PTPRN2: variants seen among roughly 807,000 people sequenced by gnomAD.
PTPRN2 encodes receptor-type tyrosine-protein phosphatase N2.
In PTPRN2, 74 loss-of-function variants were observed where a neutral mutation model predicts 118.8. The ratio of observed to expected loss-of-function variants is 0.62; its 90% CI spans 0.52 to 0.76. The LOEUF is 0.76. PTPRN2 is among the 30% of genes least tolerant of loss of function. PTPRN2 has a pLI of 0.00. For synonymous variants in PTPRN2, 641 were observed against 608.0 expected (o/e 1.05, Z -0.80); for missense variants, 1,481 against 1,394.4 (o/e 1.06, Z -0.99).
chr7:157,723,212 C>T (rs891370642), intron 12 of PTPRN2, among the ~76,000 whole-genome samples: 5 of 152,216 alleles, frequency 3.3e-5, no homozygotes, highest in South Asian at 2.1e-4. Flanking sequence ...GGGGCCCTGA[C>T]GGACTGTCCC....
rs369045341 is a variant in PTPRN2, at chr7:158,351,763, C to G, written c.164-34831G>C. Among the ~76,000 whole-genome samples, 30 of 152,228 alleles carry G rather than the reference C, an allele frequency of 2.0e-4. 1 individual carries two copies. In the South Asian group the frequency reaches 6.2e-3, roughly 32 times the overall value. On this transcript the variant is annotated intron_variant, in intron 2 of 22. Coordinates refer to ENST00000389418, the MANE Select transcript of PTPRN2 (RefSeq NM_002847.5). Reference sequence around the variant, plus strand: ...CTGAGTGACAGATATCATTTTCATTCAGGGGGGCTTGAACTCTGGCCATCA... The same window carrying G: ...CTGAGTGACAGATATCATTTTCATTGAGGGGGGCTTGAACTCTGGCCATCA...
chr7:157,691,032 G>C (rs1797460690), intron 12 of PTPRN2, among the ~76,000 whole-genome samples: 1 of 147,356 alleles, frequency 6.8e-6, no homozygotes, highest in South Asian at 2.1e-4. Context: ...GCGGCGGCGC[G>C]GCTCGCGGCC....
chr7:157,623,558 C>A (rs1263561), intron 14 of PTPRN2, among the ~76,000 whole-genome samples: 1 of 151,978 alleles, frequency 6.6e-6, no homozygotes, highest in Non-Finnish European at 1.5e-5. Context: ...TATCTTAATT[C>A]GTATAAACTA....
intron 3 of PTPRN2, among the ~76,000 whole-genome samples, chr7:158,302,142 G>T (rs914289186): frequency 5.3e-5 from 8 of 152,208 alleles, no homozygotes; most frequent in African/African-American, 1.9e-4. Context: ...CCTGAGAAAT[G>T]ATGACATTCA....
intron 12 of PTPRN2, among the ~76,000 whole-genome samples, chr7:157,790,102 G>C (rs1281216435): frequency 7.3e-6 from 1 of 137,910 alleles, no homozygotes; most frequent in Non-Finnish European, 1.6e-5. Flanking sequence ...GTGGTGACAT[G>C]TGTGTATGGT....
Position 157,595,671 on chromosome 7 carries a change from A to AGGAGGTTAGGAAGCCTG in PTPRN2, c.2419-357_2419-356insCAGGCTTCCTAACCTCC, listed in dbSNP as rs1563245807. On this transcript the variant is annotated intron_variant, in intron 16 of 22. Transcript: ENST00000389418. ...AGGAAGCCCGGAAGTTAGGGAGCCC[A>AGGAGGTTAGGAAGCCTG]GAGGTTAGGGAGCCTGGAGGTTAGG... is the stretch of plus-strand genomic sequence containing the variant. Among the ~76,000 whole-genome samples, 6 of 134,728 alleles carry AGGAGGTTAGGAAGCCTG rather than the reference A, an allele frequency of 4.5e-5. No individual in the cohort carries two copies. In the East Asian group the frequency reaches 9.4e-4, roughly 21 times the overall value. The allele number at this position is 134,728 out of a possible 152,430, so 88.4% of individuals were successfully genotyped here.
At chr7:157,898,859 A>G in intron 11 of PTPRN2, 122 bp from the exon 12 acceptor site, 1 of 846,954 alleles carries the variant, frequency 1.2e-6, no homozygotes, top group Non-Finnish European at 2.0e-6. Context: ...CGCCTACCTT[A>G]ATGGAAGGGT....
chr7:158,048,527 C>T (rs1053397053), intron 11 of PTPRN2, among the ~76,000 whole-genome samples: 3 of 151,978 alleles, frequency 2.0e-5, no homozygotes, highest in Non-Finnish European at 4.4e-5. Context: ...CAATAAGCAT[C>T]ATAATCATAT....
chr7:158,362,097 T>C (rs6966834), intron 2 of PTPRN2, among the ~76,000 whole-genome samples: 146,766 of 152,310 alleles, frequency 0.96, 70,768 homozygotes, highest in African/African-American at 0.99. Flanking sequence ...TCTTTTCCAT[T>C]AACAAACAGC....
chr7:158,157,195 T>G (rs1821904499), intron 6 of PTPRN2, among the ~76,000 whole-genome samples: 1 of 152,258 alleles, frequency 6.6e-6, no homozygotes, highest in African/African-American at 2.4e-5. Flanking sequence ...CATGTGGCTC[T>G]GGAAGGCCTC....
chr7:158,020,958 C>T (rs183983065), intron 11 of PTPRN2, among the ~76,000 whole-genome samples: 6 of 152,248 alleles, frequency 3.9e-5, no homozygotes, highest in Admixed American at 1.3e-4. Context: ...AGACGGACAT[C>T]GGGTCAGACG....
At chr7:158,052,619 T>A (rs1037737711) in intron 11 of PTPRN2, among the ~76,000 whole-genome samples, 5 of 151,336 alleles carry the variant, frequency 3.3e-5, no homozygotes, top group Non-Finnish European at 1.5e-5. Context: ...GGCCACTAAT[T>A]TGCCTCGTGG....
intron 11 of PTPRN2, among the ~76,000 whole-genome samples, chr7:157,967,249 G>T (rs1008764390): frequency 6.6e-6 from 1 of 152,240 alleles, no homozygotes; most frequent in African/African-American, 2.4e-5. Context: ...GGTCGAGGCT[G>T]CAGTGCACTG....
chr7:158,572,566 G>A (rs565651243), intron 1 of PTPRN2, among the ~76,000 whole-genome samples: 7 of 152,286 alleles, frequency 4.6e-5, no homozygotes, highest in African/African-American at 7.2e-5. Context: ...ACAGCTCTCC[G>A]AGGCTCCTGA....
At chr7:158,496,067 C>T (rs1041471250) in intron 1 of PTPRN2, among the ~76,000 whole-genome samples, 1 of 151,870 alleles carries the variant, frequency 6.6e-6, no homozygotes, top group Admixed American at 6.6e-5. Flanking sequence ...GCGCTCAGCC[C>T]CTCTGCTGAG....
At chr7:158,124,017 C>G (rs891637918) in intron 9 of PTPRN2, among the ~76,000 whole-genome samples, 1 of 151,730 alleles carries the variant, frequency 6.6e-6, no homozygotes, top group African/African-American at 2.4e-5. Context: ...AGCTGGTTCT[C>G]TAATCTGATT....
At chr7:157,894,290 T>C (rs1244254388) in intron 12 of PTPRN2, among the ~76,000 whole-genome samples, 1 of 152,210 alleles carries the variant, frequency 6.6e-6, no homozygotes, top group Non-Finnish European at 1.5e-5. Context: ...GAGCTGCTGC[T>C]GAAGTGGCTC....
chr7:157,639,904 G>A (rs1049523985), intron 14 of PTPRN2, among the ~76,000 whole-genome samples: 1 of 152,212 alleles, frequency 6.6e-6, no homozygotes, highest in Non-Finnish European at 1.5e-5. Context: ...AAACACATGA[G>A]TGATCTGGGT....
rs1563067413 is a variant in PTPRN2 at position 158,270,795 on chromosome 7, GGA to G, written c.277+46022_277+46023del. ...GTCCACCTGGACCACCCCTCCACCT[GGA>G]CCACCCCCTCACCTGGACCGCCCCC... is the stretch of plus-strand genomic sequence containing the variant. On this transcript the variant is annotated intron_variant, in intron 3 of 22. Transcript: ENST00000389418. Among the ~76,000 whole-genome samples, 65 of 71,472 alleles carry G rather than the reference GGA, an allele frequency of 9.1e-4. 6 individuals carry two copies. The highest frequency in any genetic ancestry group is 2.4e-3 in the African/African-American group (30 of 12,532). 46.9% of individuals were successfully genotyped at this position (71,472 alleles called of 152,430 possible). A position where few individuals can be genotyped will look rare whatever the true frequency, so the allele number is the denominator to read the frequency against.
Sources: allele counts gnomAD v4.1 joint callset (sites outside exome capture counted in the v4.1 genomes callset), GRCh38; gene constraint gnomAD v4.1.1; transcripts MANE v1.5; gene names NCBI Gene and HGNC (gene_info 2026-07-23, HGNC 2026-07-21).